HNRNPK: variants seen among roughly 807,000 people sequenced by gnomAD.
HNRNPK encodes the protein heterogeneous nuclear ribonucleoprotein K, also known as dC-stretch binding protein.
HNRNPK carries 7 observed loss-of-function variants against 67.0 expected under a neutral mutation model. The ratio of observed to expected loss-of-function variants is 0.10; its 90% CI spans 0.06 to 0.20. The LOEUF (loss-of-function observed/expected upper bound fraction) is 0.20, where lower values mean the gene tolerates loss of function less well. Ranked by LOEUF, HNRNPK falls within the 10% of genes least tolerant of loss-of-function variation. HNRNPK has a pLI of 1.00. For synonymous variants in HNRNPK, 213 were observed against 193.7 expected, an observed-to-expected ratio of 1.10 and a Z score of -0.83; for missense variants, 264 against 606.5, an observed-to-expected ratio of 0.44 and a Z score of 5.93.
Position 83,970,880 on chromosome 9 carries a change from C to T in HNRNPK, c.1108+17G>A. On this transcript the variant is annotated intron_variant, in intron 14 of 16. Coordinates refer to ENST00000376263, the MANE Select transcript of HNRNPK (RefSeq NM_031263.4). ...AGTATGAAATTAATGTTTGACTTCACAAAGGAGAGAACTTACCATATCCGG... is the reference window on the plus strand; with the variant it reads ...AGTATGAAATTAATGTTTGACTTCATAAAGGAGAGAACTTACCATATCCGG... 1 of 1,611,932 alleles carries T rather than the reference C, an allele frequency of 6.2e-7. No individual in the cohort carries two copies. The highest frequency in any genetic ancestry group is 1.1e-5 in the South Asian group (1 of 91,000).
chr9:83,969,503 T>C (rs1447360225), intron 16 of HNRNPK, 63 bp from the exon 17 acceptor site: 2 of 977,990 alleles, frequency 2.0e-6, no homozygotes, highest in Non-Finnish European at 3.2e-6. Flanking sequence ...TTAATCAACA[T>C]CAAGACAATT....
At chr9:83,973,769 G>C in intron 8 of HNRNPK, 133 bp downstream of exon 8, 1 of 666,722 alleles carries the variant, frequency 1.5e-6, no homozygotes, top group South Asian at 1.9e-5. Flanking sequence ...ACAGTGAGTT[G>C]TAAGACCATT....
intron 8 of HNRNPK, 96 bp from the exon 9 acceptor site, chr9:83,973,495 T>C (rs1956947605): frequency 1.4e-6 from 1 of 731,272 alleles, no homozygotes; most frequent in South Asian, 1.6e-5. Flanking sequence ...ACTGTTGCAG[T>C]GAGCAACCTG....
At chr9:83,973,528 C>A in intron 8 of HNRNPK, 129 bp from the exon 9 acceptor site, 1 of 652,702 alleles carries the variant, frequency 1.5e-6, no homozygotes. Flanking sequence ...AATAACTTTA[C>A]CAGTTATGTG....
intron 3 of HNRNPK, 98 bp downstream of exon 3, chr9:83,978,097 C>A (rs571469158): frequency 7.6e-6 from 6 of 789,518 alleles, no homozygotes; most frequent in East Asian, 5.1e-5. Flanking sequence ...ACAGTAATAC[C>A]AAAAATTCAC....
At chr9:83,973,035 G>T in intron 9 of HNRNPK, 63 bp from the exon 10 acceptor site, 1 of 1,221,562 alleles carries the variant, frequency 8.2e-7, no homozygotes, top group Non-Finnish European at 1.1e-6. Flanking sequence ...CCTAGGTTCA[G>T]TGAAAATTGC....
chr9:83,974,705 T>C (rs1350747127), intron 6 of HNRNPK, 116 bp from the exon 7 acceptor site: 2 of 670,280 alleles, frequency 3.0e-6, no homozygotes, highest in African/African-American at 1.8e-5. Flanking sequence ...GATTATTTAA[T>C]ATTCCCCATT....
chr9:83,974,597 A>G lies in HNRNPK; in HGVS notation c.258-8T>C. The G allele has an allele frequency of 6.3e-7, 1 of 1,591,532 alleles. No homozygotes were observed. The highest frequency in any genetic ancestry group is 8.6e-7 in the Non-Finnish European group (1 of 1,163,454). On this transcript the variant is annotated splice_region_variant and splice_polypyrimidine_tract_variant and intron_variant, in intron 6 of 16. Coordinates refer to ENST00000376263, the MANE Select transcript of HNRNPK (RefSeq NM_031263.4). ...GCACTGATACTCAATATGCTGTCAA[A>G]CACCACAAATACCAGATAGTACAAA...
At position 83,971,693 on chromosome 9, in the gene HNRNPK, A is replaced by G; in HGVS notation, c.987T>C (p.Pro329=). 8.7e-6 allele frequency: 14 copies of G among 1,614,002 alleles called. No individual in the cohort carries two copies. The highest frequency in any genetic ancestry group is 1.2e-5 in the Non-Finnish European group (14 of 1,179,834). ...DLMAYDRRGR[P]GDRYDGMVGF... ...TTACCATGCCGTCGTAACGGTCTCC[A>G]GGTCTCCCTCTTCTGTCATAGGCCA... The change falls in exon 12 of 17, where the codon CCT becomes CCC. Residue 329 remains proline (P), a synonymous_variant. Transcript: ENST00000376263.
chr9:83,972,837 G>T lies in HNRNPK; in HGVS notation c.645+7C>A, dbSNP rs747163849. 3.7e-5 allele frequency: 59 copies of T among 1,586,372 alleles called. No individual in the cohort carries two copies. Among genetic ancestry groups the T allele is most frequent in the Non-Finnish European group, 4.5e-5 (53 of 1,170,408 alleles). ...ATCAAATGTAAACAAAAAGTGTTCT[G>T]AAGTACCTCAGATATAAGATCAAGG... is the stretch of plus-strand genomic sequence containing the variant. On this transcript the variant is annotated splice_region_variant and intron_variant, in intron 10 of 16. Coordinates refer to ENST00000376263, the MANE Select transcript of HNRNPK (RefSeq NM_031263.4).
intron 16 of HNRNPK, 199 bp downstream of exon 16, chr9:83,969,963 A>T: frequency 1.5e-6 from 1 of 660,816 alleles, no homozygotes; most frequent in Admixed American, 2.2e-5. Flanking sequence ...GGCTTCTTCC[A>T]GCAAGATTAG....
At chr9:83,979,847 G>C (rs1475881312) in intron 1 of HNRNPK, among the ~76,000 whole-genome samples, 3 of 152,178 alleles carry the variant, frequency 2.0e-5, no homozygotes, top group African/African-American at 4.8e-5. Flanking sequence ...CAAAGAGAGC[G>C]GCGGCGCGAC....
intron 16 of HNRNPK, 38 bp downstream of exon 16, chr9:83,970,124 G>C: frequency 6.6e-7 from 1 of 1,523,070 alleles, no homozygotes; most frequent in Non-Finnish European, 8.9e-7. Flanking sequence ...AAAGGTTTTA[G>C]TATGTATAAG....
At chr9:83,979,133 G>T (rs541307682) in intron 1 of HNRNPK, among the ~76,000 whole-genome samples, 97 of 152,258 alleles carry the variant, frequency 6.4e-4, no homozygotes, top group African/African-American at 2.2e-3. Flanking sequence ...GTGCCAAAAC[G>T]GTCGATAGGA....
chr9:83,978,795 T>C (rs1295145094), intron 1 of HNRNPK, among the ~76,000 whole-genome samples: 2 of 152,232 alleles, frequency 1.3e-5, no homozygotes, highest in Non-Finnish European at 2.9e-5. Context: ...TCTTATTCAC[T>C]GGGAAAACTA....
chr9:83,969,638 G>A (rs1003514753), intron 16 of HNRNPK, 198 bp from the exon 17 acceptor site: 9 of 618,438 alleles, frequency 1.5e-5, no homozygotes, highest in Non-Finnish European at 2.3e-5. Context: ...TCGGACATTA[G>A]TAGAACAGAA....
At chr9:83,973,200 G>A (rs1956933088) in intron 9 of HNRNPK, 86 bp downstream of exon 9, 3 of 852,898 alleles carry the variant, frequency 3.5e-6, no homozygotes, top group South Asian at 1.4e-5. Context: ...GGAACTGAGA[G>A]GGGAAGCGAG....
chr9:83,978,156 G>T, intron 3 of HNRNPK, 39 bp downstream of exon 3: 2 of 1,317,148 alleles, frequency 1.5e-6, no homozygotes, highest in Non-Finnish European at 1.1e-6. Flanking sequence ...TTTATTAACA[G>T]GATAAAAAAA....
In HNRNPK at chr9:83,970,218, A is replaced by G. The variant is rs1956763832; in HGVS notation, c.1305T>C (p.Ile435=). 6.2e-7 allele frequency: 1 copy of G among 1,613,534 alleles called. No homozygotes were observed. Among genetic ancestry groups the G allele is most frequent in the African/African-American group, 1.3e-5 (1 of 75,014 alleles). ...EPLEGSEDRI[I]TITGTQDQIQ... Reference sequence around the variant, plus strand: ...TCTGGTCCTGTGTTCCTGTAATGGTAATGATCCGATCTTCGGATCCTTCTA... The same window carrying G: ...TCTGGTCCTGTGTTCCTGTAATGGTGATGATCCGATCTTCGGATCCTTCTA... Residue 435 remains isoleucine, a synonymous_variant, in exon 16 of 17, where the codon ATT becomes ATC. Coordinates refer to ENST00000376263, the MANE Select transcript of HNRNPK (RefSeq NM_031263.4).
Sources: allele counts gnomAD v4.1 joint callset (sites outside exome capture counted in the v4.1 genomes callset), GRCh38; gene constraint gnomAD v4.1.1; transcripts MANE v1.5; gene names NCBI Gene and HGNC (gene_info 2026-07-23, HGNC 2026-07-21).